Variants in LIN7C observed in about 807,000 individuals in gnomAD.
The protein encoded by LIN7C is lin-7 cell polarity scaffold C.
Under a neutral mutation model 24.7 loss-of-function variants are expected in LIN7C, and 17 were observed. The observed-to-expected ratio is 0.69, with a 90% confidence interval of 0.47 to 1.03. The LOEUF is 1.03. Ranked by LOEUF, LIN7C falls within the 50% of genes least tolerant of loss-of-function variation. The pLI is 0.00. For missense variants in LIN7C, 204 were observed against 239.0 expected (o/e 0.85, Z 0.97); for synonymous variants, 90 against 83.4 (o/e 1.08, Z -0.43).
intron 2 of LIN7C, 41 bp from the exon 3 acceptor site, chr11:27,501,607 G>A: frequency 2.3e-6 from 1 of 435,630 alleles, no homozygotes; most frequent in Non-Finnish European, 3.7e-6. Context: ...TACCATGCTT[G>A]AGTTCTCTGT....
intron 1 of LIN7C, 108 bp from the exon 2 acceptor site, chr11:27,502,028 A>G: frequency 4.5e-6 from 3 of 666,766 alleles, no homozygotes; most frequent in Non-Finnish European, 7.9e-6. Context: ...ATATACAGAC[A>G]ATCGAGGGGA....
chr11:27,499,597 A>T, intron 3 of LIN7C, 29 bp from the exon 4 acceptor site: 2 of 1,581,614 alleles, frequency 1.3e-6, no homozygotes, highest in Non-Finnish European at 1.7e-6. Flanking sequence ...TATTAAAAAT[A>T]TGACTTTTAT....
rs1308306457 is a variant in LIN7C, at chr11:27,494,930, T to C, written c.*3719A>G. Reference sequence around the variant, plus strand: ...ACATACATTTATTCAGGAAATACAATTACTAGAATCCTTGATATTTCAATG... The same window carrying C: ...ACATACATTTATTCAGGAAATACAACTACTAGAATCCTTGATATTTCAATG... On this transcript the variant is annotated 3_prime_UTR_variant, in exon 5 of 5. Coordinates refer to ENST00000278193, the MANE Select transcript of LIN7C (RefSeq NM_018362.4). The C allele has an allele frequency of 6.6e-6, 1 of 152,466 alleles. No individual in the cohort carries two copies. The highest frequency in any genetic ancestry group is 1.5e-5 in the Non-Finnish European group (1 of 68,028). The allele number at this position is 152,466 out of a possible 1,614,324, so 9.4% of individuals were successfully genotyped here.
Position 27,499,539 on chromosome 11 carries a change from T to A in LIN7C, c.258A>T (p.Glu86Asp), listed in dbSNP as rs1429301160. The A allele has an allele frequency of 6.2e-7, 1 of 1,614,224 alleles. No homozygotes were observed. Among genetic ancestry groups the A allele is most frequent in the East Asian group, 2.2e-5 (1 of 44,886 alleles). ...KATVAAFAAS[E>D]GHSHPRVVEL... is the part of the protein sequence containing the mutation. ...CAACAACTCGAGGATGAGAATGTCC[T>A]TCACTGGCAGCAAATGCAGCAACAG... Residue 86 changes from glutamate to aspartate, a missense_variant, in exon 4 of 5, where the codon GAA becomes GAT. By Grantham distance (45) the Glu-to-Asp change is conservative (BLOSUM62 2). Around this residue, in one of 3 missense-constraint regions of LIN7C, gnomAD observed 126 missense variants for 117.8 expected, o/e 1.07. Transcript: ENST00000278193.
intron 1 of LIN7C, among the ~76,000 whole-genome samples, chr11:27,504,008 G>A (rs1865249270): frequency 6.6e-6 from 1 of 152,122 alleles, no homozygotes; most frequent in Admixed American, 6.5e-5. Flanking sequence ...AGTAGAGACA[G>A]GGTTTCACCA....
At chr11:27,504,829 A>C (rs1865257914) in intron 1 of LIN7C, among the ~76,000 whole-genome samples, 1 of 152,232 alleles carries the variant, frequency 6.6e-6, no homozygotes, top group South Asian at 2.1e-4. Flanking sequence ...TACATGTTCT[A>C]TACAGACACG....
intron 1 of LIN7C, among the ~76,000 whole-genome samples, chr11:27,504,060 T>G (rs1487590439): frequency 6.6e-6 from 1 of 152,020 alleles, no homozygotes; most frequent in Non-Finnish European, 1.5e-5. Flanking sequence ...TCAAGTGATC[T>G]GCTTGCCTCG....
chr11:27,498,150 T>C lies in LIN7C; in HGVS notation c.*499A>G, dbSNP rs1865188490. ...ACAAAATGCAGCAATGATGTTAACA[T>C]TGACAGTGTAATGAACTGCCGTAGA... On this transcript the variant is annotated 3_prime_UTR_variant, in exon 5 of 5. Coordinates refer to ENST00000278193, the MANE Select transcript of LIN7C (RefSeq NM_018362.4). 1 of 152,974 alleles carries C rather than the reference T, an allele frequency of 6.5e-6. No homozygotes were observed. The highest frequency in any genetic ancestry group is 2.1e-4 in the South Asian group (1 of 4,860). 9.5% of individuals were successfully genotyped at this position (152,974 alleles called of 1,614,324 possible). A position where few individuals can be genotyped will look rare whatever the true frequency, so the allele number is the denominator to read the frequency against.
At chr11:27,501,434 T>G (rs1865224840) in intron 3 of LIN7C, 61 bp downstream of exon 3, 4 of 1,006,750 alleles carry the variant, frequency 4.0e-6, no homozygotes, top group Non-Finnish European at 1.5e-6. Context: ...ATTTAATAAC[T>G]CCATATTTTA....
chr11:27,506,116 A>G (rs1865288319), intron 1 of LIN7C, among the ~76,000 whole-genome samples: 1 of 152,360 alleles, frequency 6.6e-6, no homozygotes, highest in Non-Finnish European at 1.5e-5. Flanking sequence ...GTGTTTTAGC[A>G]TCTACCACTA....
intron 1 of LIN7C, among the ~76,000 whole-genome samples, chr11:27,502,818 A>G (rs1024706760): frequency 6.6e-5 from 10 of 152,252 alleles, no homozygotes; most frequent in African/African-American, 2.4e-4. Flanking sequence ...CCAATTAATC[A>G]TAAGAAATAT....
intron 3 of LIN7C, among the ~76,000 whole-genome samples, chr11:27,499,833 T>G (rs1865206010): frequency 6.6e-6 from 1 of 152,126 alleles, no homozygotes; most frequent in African/African-American, 2.4e-5. Context: ...TTCACCACAT[T>G]AGCCAGGATG....
chr11:27,503,151 CA>C (rs939788447), intron 1 of LIN7C, among the ~76,000 whole-genome samples: 1 of 151,100 alleles, frequency 6.6e-6, no homozygotes, highest in Admixed American at 6.6e-5. Context: ...AACAAACAAA[CA>C]AAAAAAACCC....
rs946828342 is a variant in LIN7C, at chr11:27,498,665, C to T, written c.578G>A (p.Arg193His). 1.9e-6 allele frequency: 3 copies of T among 1,613,814 alleles called. No individual in the cohort carries two copies. The highest frequency in any genetic ancestry group is 2.5e-6 in the Non-Finnish European group (3 of 1,179,888). The change falls in exon 5 of 5, where the codon CGC (arginine) becomes CAC (histidine). Residue 193 changes from arginine (R) to histidine (H), a missense_variant. Arg to His is a conservative substitution (Grantham distance 29). Transcript: ENST00000278193. The part of the protein sequence containing the change: ...SRFEKMRSAK[R>H]RQQT ...TGAAATGTATTAGGTCTGTTGCCTG[C>T]GTTTTGCTGATCTCATTTTTTCAAA...
At position 27,497,069 on chromosome 11, in the gene LIN7C, T is replaced by G. The variant is rs189789937; in HGVS notation, c.*1580A>C. 16 of 152,678 alleles carry G rather than the reference T, an allele frequency of 1.0e-4. No homozygotes were observed. Among genetic ancestry groups the G allele is most frequent in the Admixed American group, 9.8e-4 (15 of 15,292 alleles). The allele number at this position is 152,678 out of a possible 1,614,324, so 9.5% of individuals were successfully genotyped here. On this transcript the variant is annotated 3_prime_UTR_variant, in exon 5 of 5. Transcript: ENST00000278193. ...GATCCTATCAATAACAAGCACATTT[T>G]GTAGTGGATTAAAGACACATTCAAC...
rs568699977 is a variant in LIN7C at position 27,497,076 on chromosome 11, G to A, written c.*1573C>T. The A allele has an allele frequency of 5.9e-5, 9 of 152,592 alleles. 1 individual carries two copies. The East Asian group carries it at 1.4e-3, about 23-fold the overall frequency. The allele number at this position is 152,592 out of a possible 1,614,324, so 9.5% of individuals were successfully genotyped here. A position where few individuals can be genotyped will look rare whatever the true frequency, so the allele number is the denominator to read the frequency against. On this transcript the variant is annotated 3_prime_UTR_variant, in exon 5 of 5. Transcript: ENST00000278193. ...TCAATAACAAGCACATTTTGTAGTG[G>A]ATTAAAGACACATTCAACCATGCAA...
chr11:27,505,944 A>T (rs1232647754), intron 1 of LIN7C, among the ~76,000 whole-genome samples: 4 of 152,232 alleles, frequency 2.6e-5, no homozygotes, highest in Non-Finnish European at 5.9e-5. Context: ...GAATGCTGGA[A>T]ATCATGGTAG....
intron 3 of LIN7C, among the ~76,000 whole-genome samples, chr11:27,500,423 C>A (rs556259276): frequency 6.6e-6 from 1 of 152,052 alleles, no homozygotes; most frequent in Non-Finnish European, 1.5e-5. Context: ...GTACATATAG[C>A]CAATCTGAAT....
At chr11:27,501,647 T>C (rs1865227770) in intron 2 of LIN7C, 81 bp from the exon 3 acceptor site, 2 of 1,093,030 alleles carry the variant, frequency 1.8e-6, no homozygotes, top group Non-Finnish European at 2.7e-6. Context: ...AAGTTATGCA[T>C]CTTTATAAAA....
Sources: gnomAD v4.1 joint callset for allele counts (sites outside exome capture counted in the v4.1 genomes callset) on GRCh38, gnomAD v4.1.1 for gene constraint, gnomAD v4.1.1 regional missense constraint, MANE v1.5 for transcripts, NCBI Gene and HGNC (gene_info 2026-07-23, HGNC 2026-07-21) for gene names.